Variants in MACF1 observed in about 807,000 individuals in gnomAD.
MACF1 encodes the protein microtubule actin crosslinking factor 1, also known as microtubule-actin cross-linking factor 1.
Under a neutral mutation model 854.8 loss-of-function variants are expected in MACF1, and 193 were observed. That is an observed-to-expected ratio of 0.23 (90% confidence interval 0.20 to 0.25). MACF1 has a LOEUF of 0.25. Ranked by LOEUF, MACF1 falls within the 10% of genes least tolerant of loss-of-function variation. The pLI, the probability that MACF1 is intolerant of heterozygous loss-of-function variation, is 1.00. For missense variants in MACF1, 7,722 were observed against 8,929.1 expected, an observed-to-expected ratio of 0.86 and a Z score of 5.45; for synonymous variants, 3,185 against 3,226.7, an observed-to-expected ratio of 0.99 and a Z score of 0.44.
chr1:39,359,297 T>G (rs1485078862), intron 47 of MACF1, 33 bp downstream of exon 47: 1 of 1,609,730 alleles, frequency 6.2e-7, no homozygotes, highest in African/African-American at 1.3e-5. Flanking sequence ...TAGTACTCCC[T>G]TAATTCCTAG....
At chr1:39,252,092 T>G (rs909709154) in intron 4 of MACF1, among the ~76,000 whole-genome samples, 151 bp downstream of exon 4, 3 of 152,224 alleles carry the variant, frequency 2.0e-5, no homozygotes, top group Non-Finnish European at 4.4e-5. Flanking sequence ...AAGAAAGTAG[T>G]TAAAACTAAT....
chr1:39,416,184 G>C (rs891690953), intron 58 of MACF1, among the ~76,000 whole-genome samples: 1 of 152,118 alleles, frequency 6.6e-6, no homozygotes, highest in African/African-American at 2.4e-5. Context: ...AGCTTTACCA[G>C]TTATTTTGTC....
intron 58 of MACF1, chr1:39,412,392 G>A: frequency 6.2e-7 from 1 of 1,614,022 alleles, no homozygotes; most frequent in Admixed American, 1.7e-5. Flanking sequence ...CTTGTGAATT[G>A]TCTGTGGAGA....
chr1:39,223,309 CTG>C (rs1272353024), intron 1 of MACF1, among the ~76,000 whole-genome samples: 5 of 152,180 alleles, frequency 3.3e-5, no homozygotes, highest in African/African-American at 7.2e-5. Flanking sequence ...AAAAGTTTGA[CTG>C]TTATCCCAAA....
chr1:39,410,933 A>C (rs1350317224), intron 58 of MACF1: 1 of 1,614,018 alleles, frequency 6.2e-7, no homozygotes, highest in South Asian at 1.1e-5. Context: ...AGATTTCAGC[A>C]GCACAGTGCA....
chr1:39,215,867 TTC>T (rs1644571421), intron 1 of MACF1, among the ~76,000 whole-genome samples: 1 of 152,116 alleles, frequency 6.6e-6, no homozygotes, highest in Non-Finnish European at 1.5e-5. Context: ...TTATTGCTAG[TTC>T]TTTTACACTT....
At chr1:39,429,651 C>T (rs990597586) in intron 64 of MACF1, among the ~76,000 whole-genome samples, 176 bp from the exon 65 acceptor site, 5 of 152,072 alleles carry the variant, frequency 3.3e-5, no homozygotes, top group Admixed American at 6.5e-5. Flanking sequence ...CTTCTTTTAT[C>T]CAGTGGAAAG....
intron 2 of MACF1, among the ~76,000 whole-genome samples, chr1:39,190,028 C>T (rs903698738): frequency 3.3e-5 from 5 of 152,110 alleles, no homozygotes; most frequent in Non-Finnish European, 5.9e-5. Context: ...TGTAGTTAAA[C>T]GATCCTGAAG....
At chr1:39,243,800 AG>A (rs1316060227) in intron 2 of MACF1, among the ~76,000 whole-genome samples, 5 of 152,146 alleles carry the variant, frequency 3.3e-5, no homozygotes, top group African/African-American at 1.2e-4. Context: ...TGAGGATTTT[AG>A]GATGGATAGA....
At chr1:39,393,639 C>G (rs1307646595) in intron 58 of MACF1, among the ~76,000 whole-genome samples, 1 of 151,696 alleles carries the variant, frequency 6.6e-6, no homozygotes, top group Non-Finnish European at 1.5e-5. Context: ...TGAGGCGGCC[C>G]TTCTATAAAA....
At chr1:39,140,642 C>T (rs1011874625) in intron 2 of MACF1, among the ~76,000 whole-genome samples, 1 of 152,120 alleles carries the variant, frequency 6.6e-6, no homozygotes, top group African/African-American at 2.4e-5. Flanking sequence ...GGCAACTGGG[C>T]ACGGTGGCTC....
intron 24 of MACF1, among the ~76,000 whole-genome samples, 166 bp downstream of exon 24, chr1:39,309,862 C>G (rs907148147): frequency 6.6e-6 from 1 of 152,162 alleles, no homozygotes; most frequent in Non-Finnish European, 1.5e-5. Flanking sequence ...CTAGAAGCAG[C>G]AATTTGAATG....
intron 58 of MACF1, among the ~76,000 whole-genome samples, chr1:39,401,097 G>T (rs1642460245): frequency 6.6e-6 from 1 of 152,152 alleles, no homozygotes; most frequent in Non-Finnish European, 1.5e-5. Flanking sequence ...TATATTTTAT[G>T]TACACATACA....
intron 14 of MACF1, 35 bp from the exon 15 acceptor site, chr1:39,287,251 T>C: frequency 6.2e-7 from 1 of 1,603,380 alleles, no homozygotes; most frequent in African/African-American, 1.3e-5. Context: ...ACTATAGATT[T>C]AAATCCTTTC....
In MACF1 at chr1:39,382,027, G is replaced by C. The variant is rs777614881; in HGVS notation, c.13723G>C (p.Ala4575Pro). Residue 4575 changes from alanine to proline, a missense_variant, in exon 56 of 101, where the codon GCC becomes CCC. Coordinates refer to ENST00000564288, the MANE Select transcript of MACF1 (RefSeq NM_001394062.1). ...RQLEESASHL[A>P]CFQAAESQLR... The stretch of plus-strand genomic sequence containing the variant: ...GCTAGAGGAATCTGCAAGTCATCTG[G>C]CCTGCTTCCAGGCTGCAGAATCCCA... 1.9e-6 allele frequency: 3 copies of C among 1,614,020 alleles called. No homozygotes were observed. Among genetic ancestry groups the C allele is most frequent in the Non-Finnish European group, 2.5e-6 (3 of 1,180,044 alleles).
chr1:39,301,427 A>G (rs1386328679), intron 22 of MACF1, among the ~76,000 whole-genome samples: 1 of 118,548 alleles, frequency 8.4e-6, no homozygotes, highest in Non-Finnish European at 1.8e-5. Context: ...CGCCCAGCCT[A>G]TTTTATTTTA....
At chr1:39,353,400 C>G (rs1647264661) in intron 44 of MACF1, among the ~76,000 whole-genome samples, 169 bp downstream of exon 44, 1 of 152,186 alleles carries the variant, frequency 6.6e-6, no homozygotes, top group Non-Finnish European at 1.5e-5. Flanking sequence ...TACTTTCTCC[C>G]TTGGTTTCCA....
At chr1:39,412,538 C>A in intron 58 of MACF1, 1 of 1,613,948 alleles carries the variant, frequency 6.2e-7, no homozygotes, top group South Asian at 1.1e-5. Context: ...TCCCCAGAGT[C>A]AGAGATTCTG....
At chr1:39,437,691 GATA>G (rs748902929) in intron 70 of MACF1, 83 bp from the exon 71 acceptor site, 55 of 1,037,342 alleles carry the variant, frequency 5.3e-5, no homozygotes, top group Non-Finnish European at 7.6e-5. Context: ...ACAGTAGTAG[GATA>G]ATATCTTGTC....
Sources: gnomAD v4.1 joint callset for allele counts (sites outside exome capture counted in the v4.1 genomes callset) on GRCh38, gnomAD v4.1.1 for gene constraint, MANE v1.5 for transcripts, NCBI Gene and HGNC (gene_info 2026-07-23, HGNC 2026-07-21) for gene names.